Variants in ILDR1 observed in about 807,000 individuals in gnomAD.
ILDR1 encodes immunoglobulin-like domain-containing receptor 1.
In ILDR1, 56 loss-of-function variants were observed where a neutral mutation model predicts 62.4. That is an observed-to-expected ratio of 0.90 (90% CI 0.72 to 1.12). ILDR1 has a LOEUF of 1.12. Ranked by LOEUF, ILDR1 falls within the 50% of genes most tolerant of loss-of-function variation. ILDR1 has a pLI of 0.00. For missense variants in ILDR1, 736 were observed against 710.6 expected, an observed-to-expected ratio of 1.04 and a Z score of -0.41; for synonymous variants, 284 against 277.8, an observed-to-expected ratio of 1.02 and a Z score of -0.22.
the ILDR1 span, among the ~76,000 whole-genome samples, chr3:122,051,671 T>C: frequency 2.6e-5 from 4 of 152,120 alleles, no homozygotes; most frequent in African/African-American, 7.2e-5. Context: ...CGTTTCTTCA[T>C]ATTTCTTAGA....
At chr3:122,048,973 C>A in the ILDR1 span, among the ~76,000 whole-genome samples, 3 of 152,030 alleles carry the variant, frequency 2.0e-5, no homozygotes, top group Admixed American at 6.5e-5. Flanking sequence ...TTGGGCTTAG[C>A]TTGTTCTTCT....
Position 122,005,281 on chromosome 3 carries a change from C to T in ILDR1, c.342G>A (p.Gly114=), listed in dbSNP as rs760927728. 2.5e-6 allele frequency: 4 copies of T among 1,613,816 alleles called. No homozygotes were observed. The Admixed American group carries it at 5.0e-5, about 20-fold the overall frequency. ...TGATCTTGCGCTGCCGGTAATCTAC[C>T]CCCAGCACGGGCTCATTCTGCCCCC... ...QRRGQNEPVL[G]VDYRQRKITI... Residue 114 remains glycine, a synonymous_variant, in exon 3 of 8, where the codon GGG becomes GGA. Coordinates refer to ENST00000344209, the MANE Select transcript of ILDR1 (RefSeq NM_001199799.2).
the ILDR1 span, among the ~76,000 whole-genome samples, chr3:122,048,597 T>C: frequency 6.6e-6 from 1 of 152,354 alleles, no homozygotes; most frequent in East Asian, 1.9e-4. Context: ...TGATTCAATC[T>C]GATTACTAGT....
At chr3:122,029,837 G>T in the ILDR1 span, among the ~76,000 whole-genome samples, 1 of 152,074 alleles carries the variant, frequency 6.6e-6, no homozygotes, top group African/African-American at 2.4e-5. Flanking sequence ...CATTTCCCCT[G>T]ACATACTGGG....
intron 1 of ILDR1, among the ~76,000 whole-genome samples, chr3:122,012,999 C>T (rs1323958637): frequency 1.3e-5 from 2 of 152,120 alleles, no homozygotes; most frequent in Non-Finnish European, 2.9e-5. Context: ...GATATCAGAG[C>T]TCATGGGAAG....
chr3:122,045,656 C>T, the ILDR1 span, among the ~76,000 whole-genome samples: 1 of 151,442 alleles, frequency 6.6e-6, no homozygotes, highest in Admixed American at 6.6e-5. Context: ...TGAATTGATC[C>T]CTTTACCATT....
chr3:122,008,185 G>A (rs1319572714), intron 1 of ILDR1, among the ~76,000 whole-genome samples: 3 of 152,178 alleles, frequency 2.0e-5, no homozygotes, highest in South Asian at 4.1e-4. Context: ...TGACAAACTG[G>A]ATCAAGAAAG....
upstream of ILDR1, chr3:122,022,403 G>A (rs1186390511): frequency 3.1e-6 from 1 of 326,276 alleles, no homozygotes; most frequent in Non-Finnish European, 5.5e-6. Context: ...CCCCGCTGAC[G>A]GAGAAGATTC....
the ILDR1 span, among the ~76,000 whole-genome samples, chr3:122,028,997 G>A: frequency 6.6e-6 from 1 of 152,180 alleles, no homozygotes; most frequent in Non-Finnish European, 1.5e-5. Context: ...TACAATGGAG[G>A]AATAATAGAC....
chr3:122,047,394 T>C, the ILDR1 span, among the ~76,000 whole-genome samples: 1 of 152,332 alleles, frequency 6.6e-6, no homozygotes, highest in East Asian at 1.9e-4. Context: ...CCCCCAGAGG[T>C]GGAGCCTACA....
intron 3 of ILDR1, among the ~76,000 whole-genome samples, chr3:122,004,670 T>C (rs1278844320): frequency 1.3e-5 from 2 of 152,186 alleles, no homozygotes; most frequent in East Asian, 1.9e-4. Context: ...ATGATGCCTG[T>C]CGTTCAGATG....
chr3:122,001,942 T>A lies in ILDR1; in HGVS notation c.380-78A>T. 7 of 1,517,324 alleles carry A rather than the reference T, an allele frequency of 4.6e-6. No individual in the cohort carries two copies. In the Admixed American group the frequency reaches 1.2e-4, roughly 25 times the overall value. 94.0% of individuals were successfully genotyped at this position (1,517,324 alleles called of 1,614,324 possible). On this transcript the variant is annotated intron_variant, in intron 3 of 7. Coordinates refer to ENST00000344209, the MANE Select transcript of ILDR1 (RefSeq NM_001199799.2). ...TCTAACCCATGACACCCTCAAGACC[T>A]GGGCAGCATGGCAAGACCTTGTATT...
intron 5 of ILDR1, among the ~76,000 whole-genome samples, chr3:122,000,401 A>T (rs1471563814): frequency 1.3e-5 from 2 of 152,304 alleles, no homozygotes; most frequent in African/African-American, 4.8e-5. Context: ...ACCCAAAAGG[A>T]CTAGGTTCAA....
At chr3:122,001,703 G>A (rs761317044) in intron 4 of ILDR1, 42 bp downstream of exon 4, 39 of 1,608,312 alleles carry the variant, frequency 2.4e-5, no homozygotes, top group Admixed American at 3.3e-5. Flanking sequence ...AAAGTGTTAC[G>A]GCAGTGAGGG....
the ILDR1 span, among the ~76,000 whole-genome samples, chr3:122,039,827 T>C: frequency 1.3e-5 from 2 of 152,042 alleles, no homozygotes; most frequent in African/African-American, 4.8e-5. Context: ...TATGTGTTTA[T>C]AACATGGGTA....
At chr3:122,040,608 A>G in the ILDR1 span, among the ~76,000 whole-genome samples, 4,995 of 152,046 alleles carry the variant, frequency 0.033, 263 homozygotes, top group African/African-American at 0.11. Flanking sequence ...TAGAGAGCCC[A>G]GAAATAGACC....
intron 5 of ILDR1, 103 bp downstream of exon 5, chr3:122,001,205 G>T: frequency 7.6e-7 from 1 of 1,320,654 alleles, no homozygotes; most frequent in Non-Finnish European, 1.1e-6. Flanking sequence ...GAAGGGCATG[G>T]AGGAGAACCT....
At chr3:122,005,518 C>T (rs1357337128) in intron 2 of ILDR1, 125 bp from the exon 3 acceptor site, 11 of 930,180 alleles carry the variant, frequency 1.2e-5, no homozygotes, top group Non-Finnish European at 1.8e-5. Context: ...CTATTCATCC[C>T]TTGGGACTCT....
At position 122,005,229 on chromosome 3, in the gene ILDR1, C is replaced by A; in HGVS notation, c.379+15G>T. On this transcript the variant is annotated intron_variant, in intron 3 of 7. Coordinates refer to ENST00000344209, the MANE Select transcript of ILDR1 (RefSeq NM_001199799.2). ...CCCCCACCCCCAGTTCCCCTGACAC[C>A]TCCCCCGCACTCACGGTTCTGGATG... The A allele has an allele frequency of 6.3e-7, 1 of 1,579,548 alleles. No individual in the cohort carries two copies. Among genetic ancestry groups the A allele is most frequent in the South Asian group, 1.1e-5 (1 of 90,116 alleles).
Sources: allele counts gnomAD v4.1 joint callset (sites outside exome capture counted in the v4.1 genomes callset), GRCh38; gene constraint gnomAD v4.1.1; transcripts MANE v1.5; gene names NCBI Gene and HGNC (gene_info 2026-07-23, HGNC 2026-07-21).